Variants in PTPRD observed in about 807,000 individuals in gnomAD.
The protein encoded by PTPRD is receptor-type tyrosine-protein phosphatase delta.
Under a neutral mutation model 214.5 loss-of-function variants are expected in PTPRD, and 34 were observed. That is an observed-to-expected ratio of 0.16 (90% CI 0.12 to 0.21). PTPRD has a LOEUF of 0.21. PTPRD is among the 10% of genes least tolerant of loss of function. The probability of loss-of-function intolerance (pLI) is 1.00; values close to 1 mark genes in which losing one functional copy is unlikely to be tolerated. For missense variants in PTPRD, 2,545 were observed against 2,398.7 expected (o/e 1.06, Z -1.27); for synonymous variants, 1,128 against 845.7 (o/e 1.33, Z -5.79).
intron 11 of PTPRD, among the ~76,000 whole-genome samples, chr9:8,826,158 C>A (rs1456064294): frequency 6.6e-6 from 1 of 152,036 alleles, no homozygotes; most frequent in Non-Finnish European, 1.5e-5. Flanking sequence ...CCTCCACACC[C>A]TTAACTCAAT....
At chr9:9,089,719 A>G (rs2099772803) in intron 10 of PTPRD, among the ~76,000 whole-genome samples, 1 of 152,188 alleles carries the variant, frequency 6.6e-6, no homozygotes. Context: ...GTAAGAACGA[A>G]GGGTTGGTGT....
intron 35 of PTPRD, among the ~76,000 whole-genome samples, chr9:8,411,597 C>A (rs2093533033): frequency 6.6e-6 from 1 of 152,192 alleles, no homozygotes. Flanking sequence ...AGTCACTACA[C>A]CCAACACTAT....
intron 12 of PTPRD, among the ~76,000 whole-genome samples, chr9:8,698,568 A>G (rs2154391411): frequency 6.6e-6 from 1 of 152,318 alleles, no homozygotes; most frequent in Non-Finnish European, 1.5e-5. Flanking sequence ...ATCAAGGCCT[A>G]TTTAGTTTCC....
At chr9:9,154,503 A>G (rs1269933359) in intron 10 of PTPRD, among the ~76,000 whole-genome samples, 1 of 152,186 alleles carries the variant, frequency 6.6e-6, no homozygotes, top group Non-Finnish European at 1.5e-5. Context: ...CTCTTTTCTC[A>G]TAAAGATATG....
intron 10 of PTPRD, among the ~76,000 whole-genome samples, chr9:9,112,297 T>C (rs1027288265): frequency 6.6e-6 from 1 of 152,144 alleles, no homozygotes; most frequent in Non-Finnish European, 1.5e-5. Context: ...GGCAGGGATG[T>C]CTCTGGATGA....
intron 5 of PTPRD, among the ~76,000 whole-genome samples, chr9:9,808,308 T>C (rs577488018): frequency 6.6e-6 from 1 of 152,158 alleles, no homozygotes; most frequent in Admixed American, 6.6e-5. Context: ...CTTTTTAATC[T>C]CTTGTTCTTC....
intron 39 of PTPRD, among the ~76,000 whole-genome samples, chr9:8,373,687 T>A (rs1738850202): frequency 1.3e-5 from 2 of 150,926 alleles, no homozygotes; most frequent in Middle Eastern, 3.4e-3. Context: ...TACAGCTATT[T>A]AATCTTATCT....
chr9:10,106,651 A>T (rs1275544600), intron 3 of PTPRD, among the ~76,000 whole-genome samples: 3 of 151,942 alleles, frequency 2.0e-5, no homozygotes, highest in African/African-American at 7.2e-5. Context: ...CAACATCATC[A>T]GAAGAATAGT....
At chr9:8,873,659 T>C (rs10759010) in intron 11 of PTPRD, among the ~76,000 whole-genome samples, 43,676 of 152,088 alleles carry the variant, frequency 0.29, 6,845 homozygotes, top group Non-Finnish European at 0.35. Flanking sequence ...AATTATACTC[T>C]GAGCTTTAAT....
intron 3 of PTPRD, among the ~76,000 whole-genome samples, chr9:10,211,586 A>G (rs2099517119): frequency 1.3e-5 from 2 of 152,184 alleles, no homozygotes; most frequent in African/African-American, 4.8e-5. Flanking sequence ...TCCGGAACAC[A>G]GCAGAGGAAC....
chr9:9,195,059 T>C (rs2099937542), intron 9 of PTPRD, among the ~76,000 whole-genome samples: 1 of 145,564 alleles, frequency 6.9e-6, no homozygotes, highest in African/African-American at 2.5e-5. Context: ...TTTATACGAA[T>C]ACATATATAC....
At chr9:10,361,066 C>T (rs1286332559) in intron 2 of PTPRD, among the ~76,000 whole-genome samples, 1 of 152,144 alleles carries the variant, frequency 6.6e-6, no homozygotes, top group Non-Finnish European at 1.5e-5. Context: ...GGAGCCACTG[C>T]ACTCCAGCCT....
intron 7 of PTPRD, among the ~76,000 whole-genome samples, chr9:9,620,178 A>C (rs1003333907): frequency 2.0e-5 from 3 of 152,130 alleles, no homozygotes; most frequent in African/African-American, 7.2e-5. Context: ...CACATAACAG[A>C]AGATGATGAA....
At chr9:10,381,369 G>A (rs1307088794) in intron 2 of PTPRD, among the ~76,000 whole-genome samples, 2 of 151,978 alleles carry the variant, frequency 1.3e-5, no homozygotes, top group East Asian at 1.9e-4. Flanking sequence ...CCCTCTGTAA[G>A]CCAGATTCAT....
At chr9:10,570,215 T>C (rs73642015) in intron 2 of PTPRD, among the ~76,000 whole-genome samples, 13,442 of 152,198 alleles carry the variant, frequency 0.088, 720 homozygotes, top group African/African-American at 0.14. Context: ...ACTCTCCATT[T>C]TGATAAATTA....
chr9:9,542,796 A>G (rs2077904364), intron 8 of PTPRD, among the ~76,000 whole-genome samples: 2 of 151,736 alleles, frequency 1.3e-5, no homozygotes, highest in South Asian at 2.1e-4. Flanking sequence ...TAAAATCAAC[A>G]ATACAATTCC....
intron 5 of PTPRD, among the ~76,000 whole-genome samples, chr9:9,821,750 A>T (rs1368322634): frequency 6.6e-6 from 1 of 151,842 alleles, no homozygotes; most frequent in Non-Finnish European, 1.5e-5. Flanking sequence ...AGACTTTGAG[A>T]GATAACTACA....
chr9:8,525,093 A>G, intron 17 of PTPRD, 58 bp from the exon 18 acceptor site: 1 of 1,426,864 alleles, frequency 7.0e-7, no homozygotes. Context: ...TTCTCAGTTC[A>G]GAAAGCTAAA....
intron 2 of PTPRD, among the ~76,000 whole-genome samples, chr9:10,546,134 G>A (rs768270689): frequency 6.6e-6 from 1 of 151,946 alleles, no homozygotes; most frequent in Non-Finnish European, 1.5e-5. Context: ...TATTAGTGAG[G>A]GATAGTATTG....
Sources: allele counts gnomAD v4.1 joint callset (sites outside exome capture counted in the v4.1 genomes callset), GRCh38; gene constraint gnomAD v4.1.1; transcripts MANE v1.5; gene names NCBI Gene and HGNC (gene_info 2026-07-23, HGNC 2026-07-21).